SLIT3: variants seen among roughly 807,000 people sequenced by gnomAD.
The protein encoded by SLIT3 is slit guidance ligand 3.
In SLIT3, 68 loss-of-function variants were observed where a neutral mutation model predicts 184.0. The ratio of observed to expected loss-of-function variants is 0.37; its 90% CI spans 0.30 to 0.45. The LOEUF is 0.45. Ranked by LOEUF, SLIT3 falls within the 20% of genes least tolerant of loss-of-function variation. The pLI is 1.00. For missense variants in SLIT3, 1,707 were observed against 2,026.0 expected, an observed-to-expected ratio of 0.84 and a Z score of 3.02; for synonymous variants, 831 against 828.6, an observed-to-expected ratio of 1.00 and a Z score of -0.05.
chr5:168,833,761 C>G (rs1397272981), intron 6 of SLIT3, among the ~76,000 whole-genome samples: 1 of 152,158 alleles, frequency 6.6e-6, no homozygotes, highest in Admixed American at 6.5e-5. Context: ...TGCTTTCTGG[C>G]CTGGTTCTTC....
At chr5:169,035,996 G>A (rs1283403198) in intron 4 of SLIT3, 1 of 152,162 alleles carries the variant, frequency 6.6e-6, no homozygotes, top group Non-Finnish European at 1.5e-5. Context: ...ATGTGAAAAT[G>A]AAGACTTATA....
chr5:168,846,334 C>A (rs139751516), intron 5 of SLIT3, among the ~76,000 whole-genome samples: 1 of 152,274 alleles, frequency 6.6e-6, no homozygotes, highest in South Asian at 2.1e-4. Flanking sequence ...CCCACTCACA[C>A]GGAGTCTCAC....
At chr5:169,116,292 G>A (rs2113274815) in intron 4 of SLIT3, among the ~76,000 whole-genome samples, 1 of 152,300 alleles carries the variant, frequency 6.6e-6, no homozygotes, top group East Asian at 1.9e-4. Flanking sequence ...GAAGGCCCAA[G>A]AGCTCAATGG....
intron 4 of SLIT3, among the ~76,000 whole-genome samples, chr5:169,152,248 G>A (rs926299518): frequency 6.6e-6 from 1 of 152,192 alleles, no homozygotes; most frequent in Admixed American, 6.5e-5. Context: ...ATTCAACTAT[G>A]TGCATTTCTC....
intron 3 of SLIT3, among the ~76,000 whole-genome samples, chr5:169,232,828 G>T (rs988230488): frequency 6.6e-6 from 1 of 152,120 alleles, no homozygotes; most frequent in Non-Finnish European, 1.5e-5. Flanking sequence ...CTGGCATTTT[G>T]ATTAGGACTG....
chr5:168,865,309 G>A (rs1253843743), intron 5 of SLIT3, among the ~76,000 whole-genome samples: 6 of 151,688 alleles, frequency 4.0e-5, no homozygotes, highest in East Asian at 1.9e-4. Flanking sequence ...AGCTTTATTC[G>A]TAATAACCCA....
At chr5:168,840,388 G>T (rs1056526907) in intron 6 of SLIT3, among the ~76,000 whole-genome samples, 3 of 151,054 alleles carry the variant, frequency 2.0e-5, no homozygotes, top group African/African-American at 7.3e-5. Context: ...TATTAATCAG[G>T]TTTTCTCATT....
intron 4 of SLIT3, among the ~76,000 whole-genome samples, chr5:169,044,585 G>GGT (rs942791635): frequency 7.3e-6 from 1 of 137,470 alleles, no homozygotes; most frequent in African/African-American, 2.9e-5. Flanking sequence ...GCTGGAGGAA[G>GGT]GTGGGGGGGG....
intron 1 of SLIT3, among the ~76,000 whole-genome samples, chr5:169,275,151 C>T (rs1766759859): frequency 6.6e-6 from 1 of 152,208 alleles, no homozygotes. Context: ...GCAGTAGCTG[C>T]TGAGATTGGT....
At chr5:169,029,279 G>A (rs1756941110) in intron 4 of SLIT3, among the ~76,000 whole-genome samples, 1 of 152,156 alleles carries the variant, frequency 6.6e-6, no homozygotes, top group Admixed American at 6.5e-5. Context: ...GGACTTTGAG[G>A]TTTGCACTCT....
intron 4 of SLIT3, among the ~76,000 whole-genome samples, chr5:168,918,025 C>A (rs1181498656): frequency 6.6e-6 from 1 of 152,130 alleles, no homozygotes; most frequent in Admixed American, 6.5e-5. Flanking sequence ...GCTAAAGTCA[C>A]CTCTATAAAT....
chr5:169,258,252 AT>A (rs550780925), intron 1 of SLIT3, among the ~76,000 whole-genome samples: 17 of 152,180 alleles, frequency 1.1e-4, no homozygotes, highest in East Asian at 3.9e-4. Context: ...CCATTAGAGC[AT>A]TTTTTTTATA....
chr5:169,099,704 T>C (rs772734097), intron 4 of SLIT3, among the ~76,000 whole-genome samples: 4 of 152,194 alleles, frequency 2.6e-5, no homozygotes, highest in Non-Finnish European at 5.9e-5. Flanking sequence ...TGACACAGAA[T>C]GCCGGTCATG....
chr5:169,055,646 C>T (rs1757970338), intron 4 of SLIT3, among the ~76,000 whole-genome samples: 1 of 152,132 alleles, frequency 6.6e-6, no homozygotes, highest in Non-Finnish European at 1.5e-5. Context: ...CGAGACCATC[C>T]TGGCCAACAT....
chr5:169,012,573 C>T (rs1485888249), intron 4 of SLIT3: 4 of 152,214 alleles, frequency 2.6e-5, no homozygotes, highest in Admixed American at 6.5e-5. Context: ...AGAAAAGATC[C>T]AGCCTTGGAA....
intron 25 of SLIT3, among the ~76,000 whole-genome samples, chr5:168,709,140 C>G (rs1285814074): frequency 2.7e-5 from 4 of 150,670 alleles, no homozygotes; most frequent in Non-Finnish European, 1.5e-5. Flanking sequence ...ACTCTGTTGC[C>G]CAGGCTGGAG....
chr5:169,055,780 A>G (rs1199628503), intron 4 of SLIT3, among the ~76,000 whole-genome samples: 2 of 151,774 alleles, frequency 1.3e-5, no homozygotes, highest in Non-Finnish European at 2.9e-5. Flanking sequence ...GCAGTGAGCC[A>G]AGATTGCACC....
chr5:169,214,033 C>T (rs898823905), intron 3 of SLIT3, among the ~76,000 whole-genome samples: 3 of 152,192 alleles, frequency 2.0e-5, no homozygotes, highest in Non-Finnish European at 4.4e-5. Flanking sequence ...AAGCCATGAG[C>T]ATTGGGAGAG....
At chr5:169,266,652 A>G (rs1766406226) in intron 1 of SLIT3, among the ~76,000 whole-genome samples, 1 of 152,170 alleles carries the variant, frequency 6.6e-6, no homozygotes, top group Non-Finnish European at 1.5e-5. Flanking sequence ...GAAGAGGAAG[A>G]AATACAGCTT....
Sources: gnomAD v4.1 joint callset for allele counts (sites outside exome capture counted in the v4.1 genomes callset) on GRCh38, gnomAD v4.1.1 for gene constraint, MANE v1.5 for transcripts, NCBI Gene and HGNC (gene_info 2026-07-23, HGNC 2026-07-21) for gene names.